Variants in TANC1 observed in about 807,000 individuals in gnomAD.
TANC1 encodes the protein protein TANC1.
Under a neutral mutation model 149.7 loss-of-function variants are expected in TANC1, and 77 were observed. The observed-to-expected ratio is 0.51, with a 90% confidence interval of 0.43 to 0.62. TANC1 has a LOEUF of 0.62. Among genes scored for constraint, TANC1 ranks in the 20% least tolerant of loss-of-function variants. The pLI, the probability that TANC1 is intolerant of heterozygous loss-of-function variation, is 0.00. For synonymous variants in TANC1, 854 were observed against 925.0 expected (o/e 0.92, Z 1.39); for missense variants, 1,985 against 2,321.8 (o/e 0.85, Z 2.98).
chr2:159,042,045 G>C (rs900026543), intron 2 of TANC1, among the ~76,000 whole-genome samples: 3 of 152,192 alleles, frequency 2.0e-5, no homozygotes, highest in Non-Finnish European at 4.4e-5. Context: ...AGCTGACCCT[G>C]AAGTCAGGGA....
intron 2 of TANC1, among the ~76,000 whole-genome samples, chr2:159,049,653 T>C (rs2041326974): frequency 1.3e-5 from 2 of 152,038 alleles, no homozygotes; most frequent in South Asian, 2.1e-4. Context: ...TGGAAGCGAA[T>C]GGAGGGGAGT....
intron 14 of TANC1, among the ~76,000 whole-genome samples, chr2:159,180,431 G>A (rs1370280896): frequency 6.6e-6 from 1 of 152,244 alleles, no homozygotes. Context: ...GGAGGCTAAA[G>A]TGGCTGGACT....
intron 13 of TANC1, 76 bp downstream of exon 13, chr2:159,176,594 T>A: frequency 8.6e-7 from 1 of 1,157,132 alleles, no homozygotes; most frequent in Non-Finnish European, 1.2e-6. Flanking sequence ...AACGTAAAAC[T>A]GTTGTAAACC....
At chr2:159,014,210 C>T (rs892303660) in intron 2 of TANC1, among the ~76,000 whole-genome samples, 2 of 152,180 alleles carry the variant, frequency 1.3e-5, no homozygotes, top group Admixed American at 1.3e-4. Flanking sequence ...ATTGGGCTTA[C>T]AGTTCCACAT....
chr2:159,155,427 G>A (rs1393828770), intron 7 of TANC1, among the ~76,000 whole-genome samples: 1 of 152,132 alleles, frequency 6.6e-6, no homozygotes, highest in African/African-American at 2.4e-5. Context: ...TGTAATCTCC[G>A]GAGCATTTTT....
At chr2:159,083,679 G>T (rs776814671) in intron 3 of TANC1, among the ~76,000 whole-genome samples, 1 of 152,158 alleles carries the variant, frequency 6.6e-6, no homozygotes, top group African/African-American at 2.4e-5. Flanking sequence ...TTATAGAATT[G>T]TTAGAGGGCT....
At chr2:159,128,781 T>C (rs1450210028) in intron 4 of TANC1, among the ~76,000 whole-genome samples, 3 of 152,110 alleles carry the variant, frequency 2.0e-5, no homozygotes, top group South Asian at 4.2e-4. Flanking sequence ...AGCACTCTTT[T>C]GTTGGGGGGG....
chr2:159,121,971 T>C (rs1037334973), intron 4 of TANC1, among the ~76,000 whole-genome samples: 2 of 152,124 alleles, frequency 1.3e-5, no homozygotes, highest in African/African-American at 4.8e-5. Context: ...ATGCTCTCGT[T>C]CTGTTGCCCA....
chr2:159,084,806 C>T (rs2044667595), intron 3 of TANC1, among the ~76,000 whole-genome samples: 1 of 152,194 alleles, frequency 6.6e-6, no homozygotes, highest in South Asian at 2.1e-4. Flanking sequence ...GCTCCATGCT[C>T]AGTATACACC....
chr2:158,982,773 A>T (rs1180936815), intron 1 of TANC1, among the ~76,000 whole-genome samples: 1 of 151,950 alleles, frequency 6.6e-6, no homozygotes, highest in Non-Finnish European at 1.5e-5. Flanking sequence ...ATGCCTGACT[A>T]ATTTTTTTAT....
At chr2:159,175,246 C>A (rs1269656044) in intron 12 of TANC1, 62 bp downstream of exon 12, 65 of 1,409,598 alleles carry the variant, frequency 4.6e-5, no homozygotes, top group Non-Finnish European at 6.0e-5. Flanking sequence ...ACAGGTGGTC[C>A]CCAGAAGGCA....
intron 1 of TANC1, among the ~76,000 whole-genome samples, chr2:158,995,256 T>TCCC (rs1363274891): frequency 6.6e-6 from 1 of 152,158 alleles, no homozygotes; most frequent in Non-Finnish European, 1.5e-5. Flanking sequence ...GGCGCTCAGT[T>TCCC]TTGTGTATTG....
intron 2 of TANC1, among the ~76,000 whole-genome samples, chr2:159,004,666 A>G (rs1460272163): frequency 2.6e-5 from 4 of 152,114 alleles, no homozygotes; most frequent in African/African-American, 7.2e-5. Context: ...CAAATTGGAA[A>G]ACAGTTCTAT....
chr2:159,091,690 A>G (rs264627), intron 3 of TANC1, among the ~76,000 whole-genome samples: 20,516 of 152,144 alleles, frequency 0.13, 2,545 homozygotes, highest in African/African-American at 0.32. Context: ...AGACAAGGAT[A>G]TGCTGTCCTG....
intron 2 of TANC1, among the ~76,000 whole-genome samples, chr2:159,033,937 A>C (rs569057618): frequency 1.3e-5 from 2 of 152,272 alleles, no homozygotes; most frequent in South Asian, 2.1e-4. Flanking sequence ...GAAAATATGG[A>C]TCCTCAGTAA....
At chr2:159,063,841 G>T (rs576690289) in intron 2 of TANC1, among the ~76,000 whole-genome samples, 5 of 152,132 alleles carry the variant, frequency 3.3e-5, no homozygotes, top group African/African-American at 9.7e-5. Flanking sequence ...TCCTTGCCCC[G>T]TGTGATGCCT....
At chr2:159,155,353 G>C (rs1464058605) in intron 7 of TANC1, among the ~76,000 whole-genome samples, 2 of 152,188 alleles carry the variant, frequency 1.3e-5, no homozygotes, top group Non-Finnish European at 2.9e-5. Flanking sequence ...TGAGGGAGGG[G>C]CCGTTAAGTC....
At chr2:159,155,905 TATCATGG>T (rs941754274) in intron 7 of TANC1, among the ~76,000 whole-genome samples, 6 of 152,172 alleles carry the variant, frequency 3.9e-5, no homozygotes, top group Non-Finnish European at 8.8e-5. Flanking sequence ...AAAAAAAAAT[TATCATGG>T]GCTGACTTTT....
chr2:159,133,780 A>C (rs911138513), intron 4 of TANC1, among the ~76,000 whole-genome samples: 3 of 152,202 alleles, frequency 2.0e-5, no homozygotes, highest in Non-Finnish European at 2.9e-5. Flanking sequence ...ACAGGGTTAA[A>C]TTATGAAGAC....
Sources: gnomAD v4.1 joint callset for allele counts (sites outside exome capture counted in the v4.1 genomes callset) on GRCh38, gnomAD v4.1.1 for gene constraint, MANE v1.5 for transcripts, NCBI Gene and HGNC (gene_info 2026-07-23, HGNC 2026-07-21) for gene names.